Variants in WARS2 observed in about 807,000 individuals in gnomAD.
WARS2 encodes the protein tryptophanyl tRNA synthetase 2, mitochondrial.
WARS2 carries 28 observed loss-of-function variants against 36.5 expected under a neutral mutation model. The observed-to-expected ratio is 0.77, with a 90% CI of 0.57 to 1.05. The LOEUF (loss-of-function observed/expected upper bound fraction) is 1.05, where lower values mean the gene tolerates loss of function less well. WARS2 is among the 50% of genes least tolerant of loss of function. WARS2 has a pLI of 0.00. For synonymous variants in WARS2, 174 were observed against 178.4 expected, an observed-to-expected ratio of 0.98 and a Z score of 0.20; for missense variants, 435 against 456.8, an observed-to-expected ratio of 0.95 and a Z score of 0.44.
chr1:119,117,128 G>A (rs879549531), intron 1 of WARS2, among the ~76,000 whole-genome samples: 8 of 152,182 alleles, frequency 5.3e-5, no homozygotes, highest in Admixed American at 1.3e-4. Context: ...GGCTGCATGG[G>A]AGTGGAGTGA....
chr1:119,137,923 TA>T (rs894411255), intron 1 of WARS2, among the ~76,000 whole-genome samples: 3 of 152,158 alleles, frequency 2.0e-5, no homozygotes, highest in African/African-American at 7.2e-5. Context: ...AAGAAAACAC[TA>T]AAAACCATTA....
At chr1:119,057,212 C>A (rs1649894891) in intron 2 of WARS2, among the ~76,000 whole-genome samples, 1 of 151,954 alleles carries the variant, frequency 6.6e-6, no homozygotes, top group Admixed American at 6.5e-5. Context: ...GTGGCACGAT[C>A]TCGGCTGACT....
intron 1 of WARS2, among the ~76,000 whole-genome samples, chr1:119,099,654 A>G (rs1294447653): frequency 6.6e-6 from 1 of 152,234 alleles, no homozygotes; most frequent in Admixed American, 6.5e-5. Flanking sequence ...AATTATTTCA[A>G]CTTTCATTAG....
At chr1:119,086,053 T>C in intron 1 of WARS2, 2 of 1,255,894 alleles carry the variant, frequency 1.6e-6, no homozygotes, top group Non-Finnish European at 2.2e-6. Flanking sequence ...AGAGGCAAGG[T>C]CTTGCTATCT....
chr1:119,130,520 G>A (rs1372266472), intron 1 of WARS2, among the ~76,000 whole-genome samples: 1 of 152,168 alleles, frequency 6.6e-6, no homozygotes, highest in African/African-American at 2.4e-5. Flanking sequence ...AATAAAATTG[G>A]TATGACCTTC....
In WARS2 at chr1:119,045,616, C is replaced by G. The variant is rs748739288; in HGVS notation, c.395G>C (p.Arg132Thr). ...QLSWILSCMV[R>T]LPRLQHLHQW... ...ATGTAAATGTTGTAATCGAGGTAGT[C>G]TGACCATGCAGGAAAGGATCCAACT... Residue 132 changes from arginine to threonine, a missense_variant, in exon 3 of 6, where the codon AGA becomes ACA. By Grantham distance (71) the Arg-to-Thr change is moderately conservative. Coordinates refer to ENST00000235521, the MANE Select transcript of WARS2 (RefSeq NM_015836.4). 2 of 1,595,282 alleles carry G rather than the reference C, an allele frequency of 1.3e-6. No homozygotes were observed. Among genetic ancestry groups the G allele is most frequent in the Non-Finnish European group, 1.7e-6 (2 of 1,167,904 alleles).
rs1464108812 is a variant in WARS2 at position 119,033,247 on chromosome 1, C to T, written c.747G>A (p.Gln249=). The change falls in exon 6 of 6, where the codon CAG becomes CAA. Residue 249 remains glutamine (Q), a synonymous_variant. Coordinates refer to ENST00000235521, the MANE Select transcript of WARS2 (RefSeq NM_015836.4). ...AGTCTGTCACAGCCTTGCGGAATTT[C>T]TGCACTATCTCCTCTGGGCTGTCTG... The part of the protein sequence containing the change: ...RITDSPEEIV[Q]KFRKAVTDFT... 2 of 1,614,262 alleles carry T rather than the reference C, an allele frequency of 1.2e-6. No individual in the cohort carries two copies. Among genetic ancestry groups the T allele is most frequent in the Non-Finnish European group, 1.7e-6 (2 of 1,180,046 alleles).
intron 1 of WARS2, among the ~76,000 whole-genome samples, chr1:119,087,065 C>T (rs1652726886): frequency 6.6e-6 from 1 of 152,160 alleles, no homozygotes; most frequent in African/African-American, 2.4e-5. Flanking sequence ...CCACCACACA[C>T]ACCACCAATG....
At position 119,110,474 on chromosome 1, in the gene WARS2, AT is replaced by A. The variant is rs2101496764; in HGVS notation, c.90+30080del. On this transcript the variant is annotated intron_variant, in intron 1 of 5. Coordinates refer to ENST00000235521, the MANE Select transcript of WARS2 (RefSeq NM_015836.4). ...CTCCACTCTCTTTTTGCTTGCGTGGATTCTGAAGAGAAGTCAATTGTAATTC... is the reference window on the plus strand; with the variant it reads ...CTCCACTCTCTTTTTGCTTGCGTGGATCTGAAGAGAAGTCAATTGTAATTC... 3.3e-5 allele frequency among the ~76,000 whole-genome samples: 5 copies of A among 152,126 alleles called. 1 individual carries two copies. In the South Asian group the frequency reaches 1.0e-3, roughly 32 times the overall value.
intron 1 of WARS2, among the ~76,000 whole-genome samples, chr1:119,122,051 T>C (rs1254170673): frequency 1.3e-5 from 2 of 152,210 alleles, no homozygotes; most frequent in East Asian, 3.9e-4. Flanking sequence ...TGGGACTTAA[T>C]TAAACTAAAA....
intron 2 of WARS2, chr1:119,047,301 A>G (rs1300239881): frequency 6.6e-6 from 1 of 151,964 alleles, no homozygotes; most frequent in Non-Finnish European, 1.5e-5. Flanking sequence ...TTTCTTCTTT[A>G]CTGAATTGGA....
intron 1 of WARS2, chr1:119,126,675 T>C: frequency 2.8e-6 from 2 of 723,278 alleles, no homozygotes; most frequent in Non-Finnish European, 2.6e-6. Flanking sequence ...AAACTAGGGC[T>C]TCCTCAGCAT....
intron 4 of WARS2, among the ~76,000 whole-genome samples, chr1:119,039,430 G>C (rs555897092): frequency 1.3e-5 from 2 of 152,128 alleles, no homozygotes; most frequent in South Asian, 4.1e-4. Context: ...CAAACAGAGA[G>C]AGAGAAAAAG....
intron 1 of WARS2, among the ~76,000 whole-genome samples, chr1:119,096,248 C>A (rs904990485): frequency 6.6e-6 from 1 of 152,088 alleles, no homozygotes; most frequent in Admixed American, 6.5e-5. Flanking sequence ...AGTAATGCAG[C>A]AACAAAGTTT....
intron 1 of WARS2, among the ~76,000 whole-genome samples, chr1:119,132,319 G>C (rs1656172280): frequency 6.6e-6 from 1 of 152,188 alleles, no homozygotes; most frequent in Non-Finnish European, 1.5e-5. Flanking sequence ...GTAGCTGGAA[G>C]GTTGCCAGCC....
intron 1 of WARS2, among the ~76,000 whole-genome samples, chr1:119,109,297 C>G (rs1313327850): frequency 1.3e-5 from 2 of 151,844 alleles, no homozygotes; most frequent in African/African-American, 2.4e-5. Context: ...CTCCATTTCT[C>G]CAACTATAAG....
chr1:119,110,613 GTTTTA>G (rs956663698), intron 1 of WARS2, among the ~76,000 whole-genome samples: 2 of 151,620 alleles, frequency 1.3e-5, no homozygotes, highest in African/African-American at 4.8e-5. Context: ...AGTTTTGGGG[GTTTTA>G]TTTGTTTGCT....
intron 1 of WARS2, among the ~76,000 whole-genome samples, chr1:119,114,720 T>C (rs759062977): frequency 1.3e-4 from 20 of 152,162 alleles, no homozygotes; most frequent in Admixed American, 2.0e-4. Context: ...TGCCATCCCA[T>C]CCCTGTGTAA....
rs1312714790 is a variant in WARS2, at chr1:119,070,408, G to C, written c.348+5942C>G. On this transcript the variant is annotated intron_variant, in intron 2 of 5. Coordinates refer to ENST00000235521, the MANE Select transcript of WARS2 (RefSeq NM_015836.4). ...TCCCTCCCAAGTAGCTGGGACCACAGGCGTGCGACACCACGCCTGGCTAAT... is the reference window on the plus strand; with the variant it reads ...TCCCTCCCAAGTAGCTGGGACCACACGCGTGCGACACCACGCCTGGCTAAT... 3.3e-5 allele frequency among the ~76,000 whole-genome samples: 5 copies of C among 151,950 alleles called. No individual in the cohort carries two copies. In the East Asian group the frequency reaches 7.8e-4, roughly 24 times the overall value.
Sources: allele counts gnomAD v4.1 joint callset (sites outside exome capture counted in the v4.1 genomes callset), GRCh38; gene constraint gnomAD v4.1.1; transcripts MANE v1.5; gene names NCBI Gene and HGNC (gene_info 2026-07-23, HGNC 2026-07-21).